SNTA1: variants seen among roughly 807,000 people sequenced by gnomAD.
SNTA1 encodes the protein alpha-1-syntrophin.
Under a neutral mutation model 47.1 loss-of-function variants are expected in SNTA1, and 31 were observed. That is an observed-to-expected ratio of 0.66 (90% CI 0.49 to 0.89). The LOEUF (loss-of-function observed/expected upper bound fraction) is 0.89. Ranked by LOEUF, SNTA1 falls within the 40% of genes least tolerant of loss-of-function variation. SNTA1 has a pLI of 0.00. For synonymous variants in SNTA1, 300 were observed against 313.6 expected (o/e 0.96, Z 0.46); for missense variants, 575 against 693.0 (o/e 0.83, Z 1.91).
At chr20:33,432,385 A>T (rs949304496) in intron 2 of SNTA1, among the ~76,000 whole-genome samples, 61 of 152,354 alleles carry the variant, frequency 4.0e-4, no homozygotes, top group Admixed American at 3.5e-3. Flanking sequence ...CTCAAGTCCC[A>T]TCTTAAACAT....
chr20:33,412,181 G>T, intron 5 of SNTA1, 115 bp downstream of exon 5: 1 of 1,186,186 alleles, frequency 8.4e-7, no homozygotes, highest in South Asian at 1.4e-5. Flanking sequence ...CTTGCTTCAG[G>T]TCACCTGGGG....
chr20:33,443,663 G>A lies in SNTA1; in HGVS notation c.-43C>T. The A allele has an allele frequency of 8.8e-7, 1 of 1,137,416 alleles. No individual in the cohort carries two copies. Among genetic ancestry groups the A allele is most frequent in the South Asian group, 3.8e-5 (1 of 26,442 alleles). The allele number at this position is 1,137,416 out of a possible 1,614,324, so 70.5% of individuals were successfully genotyped here. On this transcript the variant is annotated 5_prime_UTR_variant, in exon 1 of 8. Transcript: ENST00000217381. ...CGGGCCGCCGCGCTCGCCCTGTCCC[G>A]CTTTGCCCAGCCCGCTCCGACCAAG... is the stretch of plus-strand genomic sequence containing the variant.
In SNTA1 at chr20:33,434,400, AGG is replaced by A. The variant is rs138418485; in HGVS notation, c.496+4439_496+4440del. 7.4e-3 allele frequency among the ~76,000 whole-genome samples: 1,125 copies of A among 152,258 alleles called. 10 individuals are homozygous for A. The highest frequency in any genetic ancestry group is 0.026 in the African/African-American group (1,063 of 41,550). On this transcript the variant is annotated intron_variant, in intron 2 of 7. Coordinates refer to ENST00000217381, the MANE Select transcript of SNTA1 (RefSeq NM_003098.3). ...CCATGAGATCTTGGGCCAGGAGAAT[AGG>A]TCGAAAAAGACTTCAACTAAGGAAA...
At chr20:33,436,146 T>C (rs947538287) in intron 2 of SNTA1, among the ~76,000 whole-genome samples, 1 of 151,892 alleles carries the variant, frequency 6.6e-6, no homozygotes, top group Admixed American at 6.6e-5. Context: ...TGAGCCGAGA[T>C]CCCGCCACTG....
chr20:33,414,419 C>G (rs986741668), intron 3 of SNTA1, among the ~76,000 whole-genome samples: 1 of 151,818 alleles, frequency 6.6e-6, no homozygotes, highest in East Asian at 1.9e-4. Flanking sequence ...AGGGCAAAAC[C>G]CCATCTCCTC....
chr20:33,432,132 A>G (rs1990324909), intron 2 of SNTA1, among the ~76,000 whole-genome samples: 2 of 152,270 alleles, frequency 1.3e-5, no homozygotes, highest in South Asian at 4.1e-4. Context: ...TCTTCCTGGG[A>G]CAGGGGTCCC....
chr20:33,407,990 G>A lies in SNTA1; in HGVS notation c.*517C>T, dbSNP rs915252685. ...CGGGCTGCCTGTGTGCTCACAGGCT[G>A]TTTATTTATCCAAGAGTAAGGAGGA... is the stretch of plus-strand genomic sequence containing the variant. On this transcript the variant is annotated 3_prime_UTR_variant, in exon 8 of 8. Transcript: ENST00000217381. 8 of 204,526 alleles carry A rather than the reference G, an allele frequency of 3.9e-5. No individual in the cohort carries two copies. Among genetic ancestry groups the A allele is most frequent in the Non-Finnish European group, 6.1e-5 (6 of 98,816 alleles). The allele number at this position is 204,526 out of a possible 1,614,324, so 12.7% of individuals were successfully genotyped here. A position where few individuals can be genotyped will look rare whatever the true frequency, so the allele number is the denominator to read the frequency against.
chr20:33,408,405 CT>C lies in SNTA1; in HGVS notation c.*101del. 1 of 862,734 alleles carries C rather than the reference CT, an allele frequency of 1.2e-6. No individual in the cohort carries two copies. The highest frequency in any genetic ancestry group is 1.9e-6 in the Non-Finnish European group (1 of 513,814). 53.4% of individuals were successfully genotyped at this position (862,734 alleles called of 1,614,324 possible). On this transcript the variant is annotated 3_prime_UTR_variant, in exon 8 of 8. Coordinates refer to ENST00000217381, the MANE Select transcript of SNTA1 (RefSeq NM_003098.3). ...GGTTTCGGAGGCCCTTGTTCCTCTC[CT>C]CTCCCTTCCCTCAGCCCAGGGGTGA...
chr20:33,423,066 G>C (rs748565819), intron 2 of SNTA1, among the ~76,000 whole-genome samples: 4 of 152,138 alleles, frequency 2.6e-5, no homozygotes, highest in Non-Finnish European at 4.4e-5. Context: ...CCAGAATCCA[G>C]CAGAGATCTC....
chr20:33,434,982 CTTTTTTTT>C (rs11475592), intron 2 of SNTA1, among the ~76,000 whole-genome samples: 12 of 55,186 alleles, frequency 2.2e-4, no homozygotes, highest in Non-Finnish European at 3.3e-4. Context: ...CAGGCACCAG[CTTTTTTTT>C]TTTTTTTTTT....
In SNTA1 at chr20:33,408,840, T is replaced by C. The variant is rs1410676023; in HGVS notation, c.1286A>G (p.Lys429Arg). Reference protein sequence around the residue: ...RPCSLSVHIDKGFTLWAAEPG... With the variant: ...RPCSLSVHIDRGFTLWAAEPG... ...CTCAGCCGCCCACAGTGTGAAGCCCTTGTCGATGTGCACAGACAGGCTGCA... is the reference window on the plus strand; with the variant it reads ...CTCAGCCGCCCACAGTGTGAAGCCCCTGTCGATGTGCACAGACAGGCTGCA... The change falls in exon 7 of 8, where the codon AAG becomes AGG. Residue 429 changes from lysine (K) to arginine (R), a missense_variant. Physicochemically the swap from Lys to Arg is conservative, Grantham distance 26 (BLOSUM62 2). Coordinates refer to ENST00000217381, the MANE Select transcript of SNTA1 (RefSeq NM_003098.3). 6.2e-7 allele frequency: 1 copy of C among 1,614,046 alleles called. No individual in the cohort carries two copies. The highest frequency in any genetic ancestry group is 1.3e-5 in the African/African-American group (1 of 74,910).
chr20:33,412,972 G>A (rs996841233), intron 3 of SNTA1, among the ~76,000 whole-genome samples, 190 bp from the exon 4 acceptor site: 4 of 152,094 alleles, frequency 2.6e-5, no homozygotes, highest in Non-Finnish European at 4.4e-5. Context: ...AGGAACAAGC[G>A]AGTGTGACAT....
At chr20:33,421,555 T>A (rs1990021576) in intron 2 of SNTA1, among the ~76,000 whole-genome samples, 1 of 151,766 alleles carries the variant, frequency 6.6e-6, no homozygotes, top group East Asian at 1.9e-4. Flanking sequence ...AAGGCTGCAG[T>A]GAGCCAAGAT....
intron 2 of SNTA1, among the ~76,000 whole-genome samples, chr20:33,432,816 C>T (rs966517798): frequency 6.6e-6 from 1 of 152,172 alleles, no homozygotes; most frequent in Non-Finnish European, 1.5e-5. Context: ...GCTGCAATCA[C>T]ACCTCTGTGC....
At chr20:33,432,170 TC>T (rs1990325930) in intron 2 of SNTA1, among the ~76,000 whole-genome samples, 1 of 152,194 alleles carries the variant, frequency 6.6e-6, no homozygotes, top group Non-Finnish European at 1.5e-5. Flanking sequence ...ACAGCATGAC[TC>T]AGCTAAGTTG....
chr20:33,419,937 T>C (rs1480665289), intron 2 of SNTA1, among the ~76,000 whole-genome samples: 1 of 152,108 alleles, frequency 6.6e-6, no homozygotes, highest in Admixed American at 6.6e-5. Flanking sequence ...TTCTTTCTTT[T>C]TTTTGTGACA....
intron 5 of SNTA1, among the ~76,000 whole-genome samples, chr20:33,410,796 T>C (rs1989721745): frequency 6.6e-6 from 1 of 152,238 alleles, no homozygotes. Context: ...TTTTTGACTG[T>C]CTTTTTCACT....
In SNTA1 at chr20:33,410,214, C is replaced by A. The variant is rs774320273; in HGVS notation, c.1158G>T (p.Pro386=). 1 of 1,614,004 alleles carries A rather than the reference C, an allele frequency of 6.2e-7. No homozygotes were observed. The highest frequency in any genetic ancestry group is 1.7e-5 in the Admixed American group (1 of 60,016). ...VDTHLFSVES[P]QELAAWTRQL... ...GGCGGGTCCAGGCAGCCAGCTCCTG[C>A]GGTGACTCCACGCTGAACAGGTGAG... Residue 386 remains proline, a synonymous_variant, in exon 6 of 8, where the codon CCG becomes CCT. Coordinates refer to ENST00000217381, the MANE Select transcript of SNTA1 (RefSeq NM_003098.3).
rs1051890573 is a variant in SNTA1 at position 33,409,324 on chromosome 20, C to G, written c.1238-436G>C. On this transcript the variant is annotated intron_variant, in intron 6 of 7. Coordinates refer to ENST00000217381, the MANE Select transcript of SNTA1 (RefSeq NM_003098.3). The stretch of plus-strand genomic sequence containing the variant: ...AGGCTGGGTGTCCTGTATTTATTTC[C>G]TCTGGCAACCCTACCCCAAGTGCCA... 6.6e-5 allele frequency among the ~76,000 whole-genome samples: 10 copies of G among 152,254 alleles called. No individual in the cohort carries two copies. In the East Asian group the frequency reaches 1.4e-3, roughly 21 times the overall value.
Sources: gnomAD v4.1 joint callset for allele counts (sites outside exome capture counted in the v4.1 genomes callset) on GRCh38, gnomAD v4.1.1 for gene constraint, MANE v1.5 for transcripts, NCBI Gene and HGNC (gene_info 2026-07-23, HGNC 2026-07-21) for gene names.